The following MBOAT2 variants were observed in gnomAD, a reference collection of about 807,000 sequenced individuals.
MBOAT2 encodes membrane bound glycerophospholipid O-acyltransferase 2, also known as membrane-bound glycerophospholipid O-acyltransferase 2.
In MBOAT2, 28 loss-of-function variants were observed where a neutral mutation model predicts 63.4. The observed-to-expected ratio is 0.44, with a 90% confidence interval of 0.33 to 0.61. The LOEUF (loss-of-function observed/expected upper bound fraction) is 0.61, where lower values mean the gene tolerates loss of function less well. MBOAT2 is among the 20% of genes least tolerant of loss of function. The pLI is 0.03. For synonymous variants in MBOAT2, 211 were observed against 215.6 expected, an observed-to-expected ratio of 0.98 and a Z score of 0.19; for missense variants, 470 against 605.8, an observed-to-expected ratio of 0.78 and a Z score of 2.35.
intron 5 of MBOAT2, among the ~76,000 whole-genome samples, chr2:8,886,313 T>C (rs909363700): frequency 1.3e-5 from 2 of 152,264 alleles, no homozygotes; most frequent in Admixed American, 6.5e-5. Context: ...TTGTACTTTA[T>C]TGACTTTGCT....
chr2:8,977,500 G>A (rs1670905345), intron 1 of MBOAT2, among the ~76,000 whole-genome samples: 1 of 152,086 alleles, frequency 6.6e-6, no homozygotes, highest in African/African-American at 2.4e-5. Flanking sequence ...AGAACTCGAT[G>A]AACATCTAAT....
chr2:8,854,883 G>C lies in MBOAT2; in HGVS notation c.*3796C>G, dbSNP rs908287976. 3 of 152,176 alleles carry C rather than the reference G, an allele frequency of 2.0e-5. No individual in the cohort carries two copies. The highest frequency in any genetic ancestry group is 7.2e-5 in the African/African-American group (3 of 41,438). The allele number at this position is 152,176 out of a possible 1,614,324, so 9.4% of individuals were successfully genotyped here. On this transcript the variant is annotated 3_prime_UTR_variant, in exon 13 of 13. Transcript: ENST00000305997. ...TTTAAATATCCTTGAATAACTTTGA[G>C]ATGTTATATAGTGGTAAACCCTGTC...
At chr2:8,941,688 C>T (rs1668062976) in intron 3 of MBOAT2, among the ~76,000 whole-genome samples, 1 of 151,928 alleles carries the variant, frequency 6.6e-6, no homozygotes. Context: ...CTAGTGTAAC[C>T]AAGGAACTGA....
chr2:8,954,100 T>C (rs1167147427), intron 2 of MBOAT2, among the ~76,000 whole-genome samples: 2 of 152,134 alleles, frequency 1.3e-5, no homozygotes, highest in African/African-American at 4.8e-5. Flanking sequence ...ATAATGTTAT[T>C]TCTTCTTTCC....
At chr2:8,908,055 T>A (rs1487609792) in intron 4 of MBOAT2, 1 of 152,238 alleles carries the variant, frequency 6.6e-6, no homozygotes, top group Non-Finnish European at 1.5e-5. Context: ...TATATATGTA[T>A]ATAAAGGTTT....
chr2:8,942,807 T>C (rs1205475153), intron 3 of MBOAT2, among the ~76,000 whole-genome samples: 1 of 152,206 alleles, frequency 6.6e-6, no homozygotes, highest in Non-Finnish European at 1.5e-5. Context: ...ACCTACAGAC[T>C]AAGCCAGTGG....
chr2:8,903,994 T>A (rs1665151025), intron 4 of MBOAT2, among the ~76,000 whole-genome samples: 1 of 151,972 alleles, frequency 6.6e-6, no homozygotes, highest in Non-Finnish European at 1.5e-5. Context: ...TTATTTTTTA[T>A]TTTTTTTGAG....
chr2:8,879,706 A>G (rs1255970156), intron 6 of MBOAT2, among the ~76,000 whole-genome samples: 2 of 152,158 alleles, frequency 1.3e-5, no homozygotes, highest in Admixed American at 6.5e-5. Flanking sequence ...GTAACAACCA[A>G]AAGTGTCTAG....
chr2:8,937,672 C>T (rs949775896), intron 3 of MBOAT2, among the ~76,000 whole-genome samples: 4 of 152,052 alleles, frequency 2.6e-5, no homozygotes, highest in Non-Finnish European at 5.9e-5. Context: ...CAGGGAACCA[C>T]GCCTGCAGAA....
chr2:8,894,497 T>C (rs1182796822), intron 4 of MBOAT2, among the ~76,000 whole-genome samples: 1 of 152,188 alleles, frequency 6.6e-6, no homozygotes, highest in African/African-American at 2.4e-5. Flanking sequence ...CTGGGCGCCA[T>C]GTGCGGGGAA....
intron 9 of MBOAT2, among the ~76,000 whole-genome samples, chr2:8,868,123 C>G (rs1348992415): frequency 6.6e-6 from 1 of 152,120 alleles, no homozygotes; most frequent in Non-Finnish European, 1.5e-5. Flanking sequence ...GACTCTCTTC[C>G]CCCAAACACC....
chr2:8,879,832 G>T (rs1662976946), intron 6 of MBOAT2, among the ~76,000 whole-genome samples: 1 of 152,142 alleles, frequency 6.6e-6, no homozygotes, highest in African/African-American at 2.4e-5. Context: ...CAGGGAGAGG[G>T]ACAATTAAAA....
At chr2:8,958,359 A>G (rs930831643) in intron 2 of MBOAT2, 138 bp downstream of exon 2, 10 of 793,236 alleles carry the variant, frequency 1.3e-5, no homozygotes, top group Non-Finnish European at 1.9e-5. Context: ...AAAAATAAAA[A>G]TATGAAAGTT....
At chr2:8,968,202 A>G (rs893518218) in intron 1 of MBOAT2, among the ~76,000 whole-genome samples, 2 of 152,148 alleles carry the variant, frequency 1.3e-5, no homozygotes, top group African/African-American at 4.8e-5. Flanking sequence ...ACGATCAGGC[A>G]GCAACATTTG....
chr2:8,958,469 T>G, intron 2 of MBOAT2, 28 bp downstream of exon 2: 1 of 1,552,644 alleles, frequency 6.4e-7, no homozygotes, highest in South Asian at 1.2e-5. Flanking sequence ...ATAGTCTTCA[T>G]TTTAAAAGGA....
intron 1 of MBOAT2, among the ~76,000 whole-genome samples, chr2:8,980,718 T>C (rs1460206804): frequency 6.6e-6 from 1 of 151,982 alleles, no homozygotes; most frequent in East Asian, 1.9e-4. Context: ...TCGTTAAGTG[T>C]TGACAAGAAT....
chr2:9,001,795 G>A (rs1454740875), intron 1 of MBOAT2, among the ~76,000 whole-genome samples: 1 of 152,184 alleles, frequency 6.6e-6, no homozygotes, highest in African/African-American at 2.4e-5. Flanking sequence ...TATTAGCATA[G>A]TCAAGAAAAT....
chr2:8,940,426 G>T (rs2103229791), intron 3 of MBOAT2, among the ~76,000 whole-genome samples: 1 of 152,160 alleles, frequency 6.6e-6, no homozygotes, highest in Non-Finnish European at 1.5e-5. Context: ...CGAGTAGCTG[G>T]GATTACAGGC....
chr2:8,980,270 AC>A (rs1671105706), intron 1 of MBOAT2, among the ~76,000 whole-genome samples: 1 of 152,284 alleles, frequency 6.6e-6, no homozygotes, highest in African/African-American at 2.4e-5. Context: ...AATGTGTGCC[AC>A]AGGAATGCAC....
Sources: gnomAD v4.1 joint callset for allele counts (sites outside exome capture counted in the v4.1 genomes callset) on GRCh38, gnomAD v4.1.1 for gene constraint, MANE v1.5 for transcripts, NCBI Gene and HGNC (gene_info 2026-07-23, HGNC 2026-07-21) for gene names.